Variants in PHKB observed in about 807,000 individuals in gnomAD.
PHKB encodes phosphorylase kinase regulatory subunit beta.
A neutral mutation model predicts 152.1 loss-of-function variants in PHKB; 122 were observed. The observed-to-expected ratio is 0.80, with a 90% confidence interval of 0.69 to 0.93. PHKB has a LOEUF of 0.93. Ranked by LOEUF, PHKB falls within the 40% of genes least tolerant of loss-of-function variation. PHKB has a pLI of 0.00. For synonymous variants in PHKB, 436 were observed against 464.9 expected (o/e 0.94, Z 0.80); for missense variants, 1,304 against 1,328.4 (o/e 0.98, Z 0.29).
intron 7 of PHKB, among the ~76,000 whole-genome samples, chr16:47,557,927 A>T (rs185193708): frequency 6.6e-6 from 1 of 152,188 alleles, no homozygotes; most frequent in Non-Finnish European, 1.5e-5. Flanking sequence ...ATAAAGACAC[A>T]TGCACACATA....
intron 7 of PHKB, among the ~76,000 whole-genome samples, chr16:47,548,847 T>A (rs1259680810): frequency 6.6e-6 from 1 of 152,202 alleles, no homozygotes; most frequent in Non-Finnish European, 1.5e-5. Flanking sequence ...GTCATTGTTA[T>A]AATAATTGTT....
chr16:47,627,457 G>A (rs540228471), intron 14 of PHKB, among the ~76,000 whole-genome samples: 5 of 152,304 alleles, frequency 3.3e-5, no homozygotes, highest in Admixed American at 6.5e-5. Context: ...GTGACAAAGC[G>A]TTCGGTATTC....
At chr16:47,647,472 A>T (rs1287146682) in intron 16 of PHKB, among the ~76,000 whole-genome samples, 1 of 151,434 alleles carries the variant, frequency 6.6e-6, no homozygotes, top group Non-Finnish European at 1.5e-5. Context: ...ATTGAAATGT[A>T]CAGAAAATGC....
intron 14 of PHKB, among the ~76,000 whole-genome samples, chr16:47,632,785 T>C (rs1972849280): frequency 6.6e-6 from 1 of 152,246 alleles, no homozygotes; most frequent in African/African-American, 2.4e-5. Flanking sequence ...CCTTTGAAAG[T>C]TGTATTACAC....
At chr16:47,543,911 A>G (rs1410105235) in intron 6 of PHKB, among the ~76,000 whole-genome samples, 1 of 152,140 alleles carries the variant, frequency 6.6e-6, no homozygotes, top group Non-Finnish European at 1.5e-5. Flanking sequence ...TAATTATTAC[A>G]TCCATGTAAT....
intron 26 of PHKB, among the ~76,000 whole-genome samples, chr16:47,688,418 A>C (rs189700533): frequency 3.0e-4 from 45 of 152,360 alleles, no homozygotes; most frequent in Non-Finnish European, 5.7e-4. Flanking sequence ...TACACATAAA[A>C]TAATTAAATA....
At chr16:47,514,030 GC>G in intron 5 of PHKB, among the ~76,000 whole-genome samples, 1 of 152,220 alleles carries the variant, frequency 6.6e-6, no homozygotes, top group East Asian at 1.9e-4. Flanking sequence ...ATTCTCCAAA[GC>G]CCCCCAGCTC....
chr16:47,533,049 C>T (rs1970888942), intron 6 of PHKB, among the ~76,000 whole-genome samples: 1 of 152,120 alleles, frequency 6.6e-6, no homozygotes, highest in Non-Finnish European at 1.5e-5. Flanking sequence ...GTGGGAAGCT[C>T]CCCTCTGCAA....
intron 7 of PHKB, among the ~76,000 whole-genome samples, chr16:47,563,214 G>A (rs1971505637): frequency 1.3e-5 from 2 of 150,442 alleles, no homozygotes; most frequent in South Asian, 4.3e-4. Flanking sequence ...CATGAATCTT[G>A]AATGTTCTTA....
chr16:47,610,969 A>G, intron 14 of PHKB, 49 bp downstream of exon 14: 1 of 1,166,496 alleles, frequency 8.6e-7, no homozygotes, highest in Non-Finnish European at 1.3e-6. Flanking sequence ...GAGACATTTA[A>G]GCTTAATTGA....
At chr16:47,646,791 G>A (rs541846447) in intron 16 of PHKB, among the ~76,000 whole-genome samples, 112 of 152,090 alleles carry the variant, frequency 7.4e-4, no homozygotes, top group Non-Finnish European at 1.4e-3. Flanking sequence ...CAAAGAGAAT[G>A]TATTCTCTTT....
chr16:47,693,576 A>T lies in PHKB; in HGVS notation c.2895+69A>T. On this transcript the variant is annotated intron_variant, in intron 28 of 30. Transcript: ENST00000323584. Reference sequence around the variant, plus strand: ...AGGGTAGTGAATCCTTTCCTCTTGCACTGCAAATAACTTTTCTCCTTTTCA... The same window carrying T: ...AGGGTAGTGAATCCTTTCCTCTTGCTCTGCAAATAACTTTTCTCCTTTTCA... The T allele has an allele frequency of 2.0e-6, 3 of 1,495,856 alleles. No homozygotes were observed. The Admixed American group carries it at 5.0e-5, about 25-fold the overall frequency. The allele number at this position is 1,495,856 out of a possible 1,614,324, so 92.7% of individuals were successfully genotyped here.
At chr16:47,567,826 T>C (rs973727836) in intron 7 of PHKB, among the ~76,000 whole-genome samples, 6 of 152,254 alleles carry the variant, frequency 3.9e-5, no homozygotes, top group African/African-American at 1.2e-4. Flanking sequence ...ATTCTGTTTA[T>C]GTGATGAATC....
chr16:47,573,317 G>A (rs137896562), intron 7 of PHKB, among the ~76,000 whole-genome samples: 78 of 152,320 alleles, frequency 5.1e-4, no homozygotes, highest in African/African-American at 1.7e-3. Flanking sequence ...TAGGCTAGGG[G>A]CATAGCCTGT....
At chr16:47,565,041 G>C in intron 7 of PHKB, 1 of 407,538 alleles carries the variant, frequency 2.5e-6, no homozygotes, top group Non-Finnish European at 4.8e-6. Context: ...TAATGTTCCA[G>C]GGTGCAGAGA....
At position 47,489,960 on chromosome 16, in the gene PHKB, A is replaced by G. The variant is rs28811125; in HGVS notation, c.77-7439A>G. On this transcript the variant is annotated intron_variant, in intron 1 of 30. Coordinates refer to ENST00000323584, the MANE Select transcript of PHKB (RefSeq NM_000293.3). ...AGGAATCAGGCAGAGAGAAACAAACATGCTCCAAATTTTGTTCACAGGAAT... is the reference window on the plus strand; with the variant it reads ...AGGAATCAGGCAGAGAGAAACAAACGTGCTCCAAATTTTGTTCACAGGAAT... Among the ~76,000 whole-genome samples the G allele has an allele frequency of 4.2e-3, 633 of 152,314 alleles. 6 individuals carry two copies. Among genetic ancestry groups the G allele is most frequent in the African/African-American group, 0.015 (604 of 41,574 alleles).
intron 27 of PHKB, among the ~76,000 whole-genome samples, chr16:47,690,531 T>C (rs1597184710): frequency 6.6e-6 from 1 of 152,088 alleles, no homozygotes; most frequent in East Asian, 1.9e-4. Context: ...TCTTAAAAAT[T>C]GAAGGACAGA....
chr16:47,633,218 C>A (rs1226261152), intron 14 of PHKB, among the ~76,000 whole-genome samples: 1 of 151,986 alleles, frequency 6.6e-6, no homozygotes, highest in African/African-American at 2.4e-5. Context: ...TGATTATTTT[C>A]TTTTGTTAAA....
intron 26 of PHKB, among the ~76,000 whole-genome samples, chr16:47,678,869 G>A (rs1313327435): frequency 6.6e-6 from 1 of 152,152 alleles, no homozygotes; most frequent in African/African-American, 2.4e-5. Context: ...GAATGGTATT[G>A]CCTAGGTTTT....
Sources: allele counts gnomAD v4.1 joint callset (sites outside exome capture counted in the v4.1 genomes callset), GRCh38; gene constraint gnomAD v4.1.1; transcripts MANE v1.5; gene names NCBI Gene and HGNC (gene_info 2026-07-23, HGNC 2026-07-21).